Variants in USP53 observed in about 807,000 individuals in gnomAD.
USP53 encodes the protein ubiquitin specific peptidase 53.
USP53 carries 71 observed loss-of-function variants against 94.9 expected under a neutral mutation model. The observed-to-expected ratio is 0.75, with a 90% CI of 0.62 to 0.91. The LOEUF is 0.91. Among genes scored for constraint, USP53 ranks in the 40% least tolerant of loss-of-function variants. The probability of loss-of-function intolerance (pLI) is 0.00; values close to 1 mark genes in which losing one functional copy is unlikely to be tolerated. For missense variants in USP53, 1,173 were observed against 1,281.0 expected (o/e 0.92, Z 1.29); for synonymous variants, 375 against 422.7 (o/e 0.89, Z 1.39).
intron 9 of USP53, among the ~76,000 whole-genome samples, chr4:119,258,913 T>C (rs1750109766): frequency 6.6e-6 from 1 of 152,122 alleles, no homozygotes; most frequent in Non-Finnish European, 1.5e-5. Context: ...AATATGTCTT[T>C]TAAGGAGGTT....
intron 12 of USP53, chr4:119,266,384 G>A (rs917721862): frequency 4.4e-6 from 2 of 455,390 alleles, no homozygotes; most frequent in African/African-American, 2.0e-5. Flanking sequence ...TTTCCAAAGT[G>A]GTTATACCAA....
intron 2 of USP53, among the ~76,000 whole-genome samples, chr4:119,215,146 C>T (rs150978964): frequency 1.3e-5 from 2 of 152,228 alleles, no homozygotes; most frequent in Admixed American, 6.5e-5. Flanking sequence ...TTGCCAGTTT[C>T]GCTTACTCTG....
At chr4:119,286,481 A>T (rs532537708) in intron 17 of USP53, among the ~76,000 whole-genome samples, 4 of 151,980 alleles carry the variant, frequency 2.6e-5, no homozygotes, top group Admixed American at 2.0e-4. Context: ...GAAAAATAAC[A>T]TATCTATTTT....
rs1376598406 is a variant in USP53, at chr4:119,227,256, T to TATACACACACACACACACAC, written c.-664-8033_-664-8032insTACACACACACACACACACA. Among the ~76,000 whole-genome samples the TATACACACACACACACACAC allele has an allele frequency of 7.5e-3, 935 of 125,118 alleles. 9 individuals are homozygous for TATACACACACACACACACAC. The highest frequency in any genetic ancestry group is 0.012 in the South Asian group (47 of 3,818). The allele number at this position is 125,118 out of a possible 152,430, so 82.1% of individuals were successfully genotyped here. A position where few individuals can be genotyped will look rare whatever the true frequency, so the allele number is the denominator to read the frequency against. ...ATTAATCCAAAGCCTTGTCTAACAC[T>TATACACACACACACACACAC]ACACACACACACACACACACACACA... On this transcript the variant is annotated intron_variant, in intron 3 of 18. Transcript: ENST00000692078.
At chr4:119,217,278 A>G (rs576456553) in intron 2 of USP53, among the ~76,000 whole-genome samples, 1 of 152,134 alleles carries the variant, frequency 6.6e-6, no homozygotes, top group African/African-American at 2.4e-5. Flanking sequence ...CCCTCCCCAT[A>G]CTTAGGTGAG....
chr4:119,221,932 A>G (rs763356663), intron 3 of USP53, among the ~76,000 whole-genome samples: 2 of 152,178 alleles, frequency 1.3e-5, no homozygotes, highest in Non-Finnish European at 2.9e-5. Context: ...ACCACAATAT[A>G]CAATAGCACC....
intron 3 of USP53, among the ~76,000 whole-genome samples, chr4:119,229,918 C>G (rs1051001755): frequency 1.3e-5 from 2 of 152,154 alleles, no homozygotes; most frequent in African/African-American, 2.4e-5. Flanking sequence ...CTGGTTCTGT[C>G]TACTTCGTAC....
At chr4:119,269,175 T>G (rs1751541873) in intron 14 of USP53, among the ~76,000 whole-genome samples, 1 of 152,176 alleles carries the variant, frequency 6.6e-6, no homozygotes, top group Non-Finnish European at 1.5e-5. Flanking sequence ...ATTCAGACAT[T>G]TTATGTTTTT....
intron 3 of USP53, among the ~76,000 whole-genome samples, chr4:119,231,058 C>T (rs1381538646): frequency 6.6e-6 from 1 of 152,020 alleles, no homozygotes; most frequent in Non-Finnish European, 1.5e-5. Context: ...GAGGTGGTAA[C>T]TAGGAAGCAG....
chr4:119,213,861 C>G (rs1027957194), intron 1 of USP53, among the ~76,000 whole-genome samples: 1 of 148,522 alleles, frequency 6.7e-6, no homozygotes, highest in South Asian at 2.1e-4. Context: ...CAGAGCCAGA[C>G]TCCGTCTCCA....
At chr4:119,255,025 C>T (rs952228447) in intron 7 of USP53, among the ~76,000 whole-genome samples, 14 of 152,194 alleles carry the variant, frequency 9.2e-5, no homozygotes, top group African/African-American at 3.4e-4. Context: ...CCACTCCAGA[C>T]CCTGTTTGCC....
Position 119,293,259 on chromosome 4 carries a change from T to C in USP53, c.*48T>C. 1 of 1,519,738 alleles carries C rather than the reference T, an allele frequency of 6.6e-7. No individual in the cohort carries two copies. Among genetic ancestry groups the C allele is most frequent in the Non-Finnish European group, 8.7e-7 (1 of 1,144,796 alleles). The allele number at this position is 1,519,738 out of a possible 1,614,324, so 94.1% of individuals were successfully genotyped here. A position where few individuals can be genotyped will look rare whatever the true frequency, so the allele number is the denominator to read the frequency against. On this transcript the variant is annotated 3_prime_UTR_variant, in exon 19 of 19. Transcript: ENST00000692078. Reference sequence around the variant, plus strand: ...GTTACATAATAATCTTGGTTCAAGCTGCCCTTCTGAACAAAGATATAAACC... The same window carrying C: ...GTTACATAATAATCTTGGTTCAAGCCGCCCTTCTGAACAAAGATATAAACC...
chr4:119,219,686 C>A (rs541096676), intron 3 of USP53: 2 of 152,212 alleles, frequency 1.3e-5, no homozygotes, highest in South Asian at 2.1e-4. Context: ...ATAGTGTCAT[C>A]CCCTTTTGGG....
intron 9 of USP53, 30 bp from the exon 10 acceptor site, chr4:119,259,790 C>T: frequency 6.4e-7 from 1 of 1,565,882 alleles, no homozygotes; most frequent in Non-Finnish European, 8.7e-7. Context: ...AGTTCATAGG[C>T]CAGATTTGGG....
Position 119,294,679 on chromosome 4 carries a change from A to G in USP53, c.*1468A>G, listed in dbSNP as rs1274026301. The G allele has an allele frequency of 2.0e-5, 3 of 152,114 alleles. No individual in the cohort carries two copies. The highest frequency in any genetic ancestry group is 4.4e-5 in the Non-Finnish European group (3 of 67,960). 9.4% of individuals were successfully genotyped at this position (152,114 alleles called of 1,614,324 possible). On this transcript the variant is annotated 3_prime_UTR_variant, in exon 19 of 19. Coordinates refer to ENST00000692078, the MANE Select transcript of USP53 (RefSeq NM_001371395.1). The stretch of plus-strand genomic sequence containing the variant: ...GTGTTAAAACATTCTAAAATGTTGT[A>G]ACTAATTTAATGTGAATACTGTTAA...
At chr4:119,216,991 A>C (rs1743859002) in intron 2 of USP53, among the ~76,000 whole-genome samples, 1 of 152,188 alleles carries the variant, frequency 6.6e-6, no homozygotes, top group African/African-American at 2.4e-5. Flanking sequence ...TAGGTATTTT[A>C]TACATGGTTT....
chr4:119,271,565 A>G lies in USP53; in HGVS notation c.1705A>G (p.Arg569Gly). 6.2e-7 allele frequency: 1 copy of G among 1,613,822 alleles called. No individual in the cohort carries two copies. Among genetic ancestry groups the G allele is most frequent in the Non-Finnish European group, 8.5e-7 (1 of 1,180,030 alleles). ...DTDSSQDSRD[R>G]GNSCDSSSKS... is the part of the protein sequence containing the mutation. The stretch of plus-strand genomic sequence containing the variant: ...AGACAGCAGCCAAGATTCTAGGGAT[A>G]GAGGAAACAGCTGTGATAGCAGCAG... Residue 569 changes from arginine to glycine, a missense_variant, in exon 16 of 19, where the codon AGA becomes GGA. Arg to Gly is a moderately radical substitution (Grantham distance 125). Coordinates refer to ENST00000692078, the MANE Select transcript of USP53 (RefSeq NM_001371395.1).
chr4:119,256,643 G>A (rs1749809063), intron 9 of USP53, 120 bp downstream of exon 9: 1 of 1,007,006 alleles, frequency 9.9e-7, no homozygotes, highest in African/African-American at 1.6e-5. Context: ...AGGCTACCAA[G>A]TATGCTGCTG....
intron 17 of USP53, among the ~76,000 whole-genome samples, chr4:119,288,219 G>A (rs1372234373): frequency 1.3e-5 from 2 of 152,148 alleles, no homozygotes; most frequent in Non-Finnish European, 2.9e-5. Context: ...AATAAACCCA[G>A]TACATGCTAA....
Sources: allele counts gnomAD v4.1 joint callset (sites outside exome capture counted in the v4.1 genomes callset), GRCh38; gene constraint gnomAD v4.1.1; transcripts MANE v1.5; gene names NCBI Gene and HGNC (gene_info 2026-07-23, HGNC 2026-07-21).